TMEM163: variants seen among roughly 807,000 people sequenced by gnomAD.
TMEM163 encodes transmembrane protein 163.
TMEM163 carries 17 observed loss-of-function variants against 29.3 expected under a neutral mutation model. The ratio of observed to expected loss-of-function variants is 0.58; its 90% CI spans 0.40 to 0.87. The LOEUF is 0.87. Among genes scored for constraint, TMEM163 ranks in the 40% least tolerant of loss-of-function variants. The pLI is 0.00. For missense variants in TMEM163, 303 were observed against 381.5 expected (o/e 0.79, Z 1.71); for synonymous variants, 157 against 160.6 (o/e 0.98, Z 0.17).
At chr2:134,557,715 C>A (rs988088410) in intron 2 of TMEM163, among the ~76,000 whole-genome samples, 2 of 152,124 alleles carry the variant, frequency 1.3e-5, no homozygotes, top group Non-Finnish European at 2.9e-5. Flanking sequence ...GGTGAAACAA[C>A]AGGGCAGAGG....
At chr2:134,470,034 G>A (rs13021575) in intron 5 of TMEM163, 5,450 of 152,360 alleles carry the variant, frequency 0.036, 158 homozygotes, top group South Asian at 0.13. Flanking sequence ...ACTTAGAGGG[G>A]TTTGCTTCCC....
chr2:134,566,169 T>C (rs1681296642), intron 2 of TMEM163, among the ~76,000 whole-genome samples: 1 of 152,164 alleles, frequency 6.6e-6, no homozygotes, highest in Non-Finnish European at 1.5e-5. Context: ...GAAAGCAACA[T>C]GAACATGCAA....
intron 2 of TMEM163, among the ~76,000 whole-genome samples, chr2:134,568,664 G>A (rs1681354514): frequency 2.1e-5 from 3 of 142,246 alleles, no homozygotes; most frequent in Admixed American, 7.0e-5. Context: ...AAGAAGGAAG[G>A]AAGGAAAGAA....
chr2:134,507,473 C>T (rs2106489213), intron 4 of TMEM163, among the ~76,000 whole-genome samples: 1 of 152,318 alleles, frequency 6.6e-6, no homozygotes, highest in East Asian at 1.9e-4. Flanking sequence ...TGAGTGAGTC[C>T]ACCCCAGACC....
chr2:134,501,129 T>C (rs1679688371), intron 5 of TMEM163, among the ~76,000 whole-genome samples: 1 of 152,116 alleles, frequency 6.6e-6, no homozygotes, highest in Admixed American at 6.5e-5. Flanking sequence ...TTATTGTCAA[T>C]TTAAAAAAAT....
Position 134,467,850 on chromosome 2 carries a change from T to C in TMEM163, c.556-1625A>G, listed in dbSNP as rs192269347. Reference sequence around the variant, plus strand: ...ATGGAGGGGATATGGGCACTCTCTGTACTATCTGTAAAACTCTTCTATTAA... The same window carrying C: ...ATGGAGGGGATATGGGCACTCTCTGCACTATCTGTAAAACTCTTCTATTAA... On this transcript the variant is annotated intron_variant, in intron 5 of 7. Transcript: ENST00000281924. 2.0e-5 allele frequency: 3 copies of C among 152,354 alleles called. No individual in the cohort carries two copies. In the East Asian group the frequency reaches 5.8e-4, roughly 29 times the overall value. The allele number at this position is 152,354 out of a possible 1,614,324, so 9.4% of individuals were successfully genotyped here. A position where few individuals can be genotyped will look rare whatever the true frequency, so the allele number is the denominator to read the frequency against.
At chr2:134,670,405 A>C (rs1683967380) in intron 2 of TMEM163, among the ~76,000 whole-genome samples, 1 of 152,210 alleles carries the variant, frequency 6.6e-6, no homozygotes, top group East Asian at 1.9e-4. Context: ...TCCAAAGGGC[A>C]GACCCCACGT....
At chr2:134,683,168 G>C (rs1356590394) in intron 2 of TMEM163, among the ~76,000 whole-genome samples, 1 of 152,134 alleles carries the variant, frequency 6.6e-6, no homozygotes, top group Non-Finnish European at 1.5e-5. Context: ...TATAATGGTG[G>C]ATACATGTCA....
At chr2:134,515,294 G>A (rs1265620089) in intron 4 of TMEM163, among the ~76,000 whole-genome samples, 1 of 152,102 alleles carries the variant, frequency 6.6e-6, no homozygotes, top group Non-Finnish European at 1.5e-5. Context: ...ACTCTCACAC[G>A]GGGTCTGAAG....
At chr2:134,534,666 A>C (rs1240687513) in intron 4 of TMEM163, among the ~76,000 whole-genome samples, 2 of 152,166 alleles carry the variant, frequency 1.3e-5, no homozygotes, top group African/African-American at 4.8e-5. Flanking sequence ...AGGCAGGAGA[A>C]TCGCTTGAAC....
intron 5 of TMEM163, chr2:134,466,462 T>C (rs1686671482): frequency 2.1e-6 from 1 of 469,788 alleles, no homozygotes; most frequent in African/African-American, 2.0e-5. Flanking sequence ...TACGTATTTA[T>C]TTTCCTGTAG....
At chr2:134,506,204 T>A (rs1679820863) in intron 4 of TMEM163, among the ~76,000 whole-genome samples, 1 of 152,212 alleles carries the variant, frequency 6.6e-6, no homozygotes, top group Admixed American at 6.5e-5. Flanking sequence ...CTCCAAAATG[T>A]GTCAAAAACT....
At chr2:134,619,900 C>A (rs991615667) in intron 2 of TMEM163, among the ~76,000 whole-genome samples, 1 of 152,078 alleles carries the variant, frequency 6.6e-6, no homozygotes, top group African/African-American at 2.4e-5. Flanking sequence ...CAGCAATGTA[C>A]AATCCAAAAA....
chr2:134,577,346 G>A (rs566792312), intron 2 of TMEM163, among the ~76,000 whole-genome samples: 4 of 152,258 alleles, frequency 2.6e-5, no homozygotes, highest in South Asian at 4.1e-4. Flanking sequence ...CCAAGGTCCC[G>A]GCAGGGACCA....
At chr2:134,632,036 G>A (rs1682981074) in intron 2 of TMEM163, among the ~76,000 whole-genome samples, 1 of 152,166 alleles carries the variant, frequency 6.6e-6, no homozygotes, top group Non-Finnish European at 1.5e-5. Flanking sequence ...AAGTCATATG[G>A]AGGCTCAAAA....
At chr2:134,678,342 G>A (rs528305484) in intron 2 of TMEM163, among the ~76,000 whole-genome samples, 6 of 152,280 alleles carry the variant, frequency 3.9e-5, no homozygotes, top group Admixed American at 2.6e-4. Context: ...GTGGCAGTAC[G>A]CCCTGTCTCA....
intron 1 of TMEM163, among the ~76,000 whole-genome samples, chr2:134,715,670 A>G (rs1685023260): frequency 6.6e-6 from 1 of 152,168 alleles, no homozygotes; most frequent in African/African-American, 2.4e-5. Flanking sequence ...ACACACAGGT[A>G]CCTCCACACT....
intron 5 of TMEM163, among the ~76,000 whole-genome samples, chr2:134,487,019 T>C (rs1187132100): frequency 6.6e-6 from 1 of 152,178 alleles, no homozygotes; most frequent in Admixed American, 6.5e-5. Flanking sequence ...GCAAACCTCT[T>C]AGCAAACAGC....
At chr2:134,619,410 TAA>T (rs1682679724) in intron 2 of TMEM163, among the ~76,000 whole-genome samples, 1 of 151,938 alleles carries the variant, frequency 6.6e-6, no homozygotes, top group African/African-American at 2.4e-5. Flanking sequence ...ACACGACGAG[TAA>T]AAGAGATTTA....
Sources: gnomAD v4.1 joint callset for allele counts (sites outside exome capture counted in the v4.1 genomes callset) on GRCh38, gnomAD v4.1.1 for gene constraint, MANE v1.5 for transcripts, NCBI Gene and HGNC (gene_info 2026-07-23, HGNC 2026-07-21) for gene names.